Variants in PTPRG observed in about 807,000 individuals in gnomAD.
The protein encoded by PTPRG is receptor-type tyrosine-protein phosphatase gamma.
In PTPRG, 102 loss-of-function variants were observed where a neutral mutation model predicts 165.3. The observed-to-expected ratio is 0.62, with a 90% CI of 0.53 to 0.73. The LOEUF (loss-of-function observed/expected upper bound fraction) is 0.73, where lower values mean the gene tolerates loss of function less well. Among genes scored for constraint, PTPRG ranks in the 30% least tolerant of loss-of-function variants. PTPRG has a pLI of 0.00. For synonymous variants in PTPRG, 675 were observed against 669.5 expected (o/e 1.01, Z -0.13); for missense variants, 1,866 against 1,861.4 (o/e 1.00, Z -0.05).
intron 1 of PTPRG, chr3:61,743,012 C>A: frequency 5.1e-6 from 8 of 1,561,702 alleles, no homozygotes; most frequent in Non-Finnish European, 7.1e-6. Context: ...ATCTGCAACT[C>A]CACCGTCTCC....
At chr3:62,162,931 T>A in intron 7 of PTPRG, among the ~76,000 whole-genome samples, 1 of 152,140 alleles carries the variant, frequency 6.6e-6, no homozygotes, top group South Asian at 2.1e-4. Flanking sequence ...TGAGACTGGG[T>A]AATTTATTAG....
chr3:62,130,529 C>G (rs536644849), intron 5 of PTPRG, among the ~76,000 whole-genome samples: 38 of 152,290 alleles, frequency 2.5e-4, no homozygotes, highest in African/African-American at 8.9e-4. Flanking sequence ...GAGTAACTAA[C>G]TACAGATAGT....
rs556531268 is a variant in PTPRG, at chr3:62,217,332, C to G, written c.2156-1519C>G. Among the ~76,000 whole-genome samples the G allele has an allele frequency of 3.3e-5, 5 of 152,342 alleles. No individual in the cohort carries two copies. The highest frequency in any genetic ancestry group is 3.4e-3 in the Middle Eastern group (1 of 294). ...GATACATCAGGTCCTGTCTGCGTCA[C>G]AGGCCTGTGCCTGAAACAAAGGAGG... is the stretch of plus-strand genomic sequence containing the variant. On this transcript the variant is annotated intron_variant, in intron 12 of 29. Transcript: ENST00000474889. This position sits in a 1 kb window ranked among gnomAD's most constrained non-coding sequence, Gnocchi z 4.3.
At chr3:62,061,265 T>G (rs1174591985) in intron 4 of PTPRG, among the ~76,000 whole-genome samples, 1 of 152,218 alleles carries the variant, frequency 6.6e-6, no homozygotes, top group Admixed American at 6.5e-5. Context: ...TGTTCACTGT[T>G]GTGTATTATA....
At chr3:61,767,785 A>G (rs955182147) in intron 2 of PTPRG, among the ~76,000 whole-genome samples, 2 of 151,898 alleles carry the variant, frequency 1.3e-5, no homozygotes, top group African/African-American at 2.4e-5. Flanking sequence ...CCTAAGCAAC[A>G]TAGTGGGATC....
At chr3:62,008,028 C>A (rs1220192918) in intron 4 of PTPRG, among the ~76,000 whole-genome samples, 2 of 152,204 alleles carry the variant, frequency 1.3e-5, no homozygotes, top group Admixed American at 1.3e-4. Flanking sequence ...TGACCTGTTT[C>A]AGTTCTTCTG....
At chr3:61,749,090 A>C in intron 2 of PTPRG, 108 bp downstream of exon 2, 1 of 917,420 alleles carries the variant, frequency 1.1e-6, no homozygotes, top group Middle Eastern at 2.1e-4. Flanking sequence ...TGTTTGCTCA[A>C]ATCTTTCGTA....
At chr3:62,043,355 A>T (rs1228357310) in intron 4 of PTPRG, among the ~76,000 whole-genome samples, 2 of 152,158 alleles carry the variant, frequency 1.3e-5, no homozygotes, top group East Asian at 3.9e-4. Flanking sequence ...TCAACATTCA[A>T]TTATCACTAA....
chr3:61,791,337 C>T (rs1267685175), intron 2 of PTPRG, among the ~76,000 whole-genome samples: 3 of 152,176 alleles, frequency 2.0e-5, no homozygotes, highest in South Asian at 2.1e-4. Context: ...TCTGTTGCAA[C>T]GGTTTCTTGA....
chr3:61,812,325 G>A (rs904776679), intron 2 of PTPRG, among the ~76,000 whole-genome samples: 3 of 152,100 alleles, frequency 2.0e-5, no homozygotes, highest in Non-Finnish European at 1.5e-5. Flanking sequence ...CAATCCATCT[G>A]TGAGCCATTC....
At chr3:61,775,045 G>T (rs182856688) in intron 2 of PTPRG, among the ~76,000 whole-genome samples, 19 of 152,182 alleles carry the variant, frequency 1.2e-4, no homozygotes, top group Non-Finnish European at 2.4e-4. Context: ...ATGTGATGGT[G>T]TGTGACATTT....
chr3:61,738,290 A>G lies in PTPRG; in HGVS notation c.86-10588A>G, dbSNP rs1270899213. Among the ~76,000 whole-genome samples the G allele has an allele frequency of 2.0e-3, 136 of 69,482 alleles. 7 individuals are homozygous for G. The highest frequency in any genetic ancestry group is 6.6e-3 in the African/African-American group (110 of 16,714). 45.6% of individuals were successfully genotyped at this position (69,482 alleles called of 152,430 possible). On this transcript the variant is annotated intron_variant, in intron 1 of 29. Coordinates refer to ENST00000474889, the MANE Select transcript of PTPRG (RefSeq NM_002841.4). ...TATATATATATATACATATATATATATATATATATATATATATATATACAT... is the reference window on the plus strand; with the variant it reads ...TATATATATATATACATATATATATGTATATATATATATATATATATACAT...
chr3:61,713,778 A>G (rs774763739), intron 1 of PTPRG, among the ~76,000 whole-genome samples: 4 of 152,148 alleles, frequency 2.6e-5, no homozygotes, highest in African/African-American at 4.8e-5. Context: ...CACCTTATCT[A>G]TTATGTGGCA....
intron 1 of PTPRG, among the ~76,000 whole-genome samples, chr3:61,745,734 G>A (rs1006106853): frequency 3.9e-5 from 6 of 152,184 alleles, no homozygotes; most frequent in African/African-American, 7.2e-5. Context: ...GTATATGTGT[G>A]TCTGGGGTGA....
At chr3:61,839,467 C>T (rs2036557841) in intron 2 of PTPRG, among the ~76,000 whole-genome samples, 1 of 152,156 alleles carries the variant, frequency 6.6e-6, no homozygotes, top group South Asian at 2.1e-4. Context: ...AGTTAATATT[C>T]TTCAGCTGCT....
rs1167811895 is a variant in PTPRG at position 61,805,983 on chromosome 3, A to G, written c.190+57001A>G. 3.9e-5 allele frequency among the ~76,000 whole-genome samples: 6 copies of G among 152,190 alleles called. No individual in the cohort carries two copies. In the East Asian group the frequency reaches 9.6e-4, roughly 24 times the overall value. On this transcript the variant is annotated intron_variant, in intron 2 of 29. Coordinates refer to ENST00000474889, the MANE Select transcript of PTPRG (RefSeq NM_002841.4). ...GATCATATTCTCTCTTTGCCATTTA[A>G]GAAAAATACAGCACAAACCTCTGTC... is the stretch of plus-strand genomic sequence containing the variant.
At chr3:61,900,589 C>T (rs1383882920) in intron 2 of PTPRG, among the ~76,000 whole-genome samples, 1 of 152,164 alleles carries the variant, frequency 6.6e-6, no homozygotes, top group Non-Finnish European at 1.5e-5. Context: ...GTGCAGCTCC[C>T]AAACCACCCT....
chr3:61,973,853 T>G (rs2040439466), intron 2 of PTPRG, among the ~76,000 whole-genome samples: 1 of 151,818 alleles, frequency 6.6e-6, no homozygotes, highest in South Asian at 2.1e-4. Context: ...AATAAATAAA[T>G]AAATAAAAGA....
At chr3:61,978,669 C>T (rs1474248915) in intron 2 of PTPRG, among the ~76,000 whole-genome samples, 1 of 152,132 alleles carries the variant, frequency 6.6e-6, no homozygotes, top group African/African-American at 2.4e-5. Flanking sequence ...GCCAGGGAAG[C>T]AATATTTTGT....
Sources: allele counts gnomAD v4.1 joint callset (sites outside exome capture counted in the v4.1 genomes callset), GRCh38; gene constraint gnomAD v4.1.1; non-coding constraint Gnocchi (gnomAD v3.1); transcripts MANE v1.5; gene names NCBI Gene and HGNC (gene_info 2026-07-23, HGNC 2026-07-21).